The following DUS1L variants were observed in gnomAD, a reference collection of about 807,000 sequenced individuals.
The protein encoded by DUS1L is dihydrouridine synthase 1 like.
A neutral mutation model predicts 61.2 loss-of-function variants in DUS1L; 56 were observed. The ratio of observed to expected loss-of-function variants is 0.92; its 90% confidence interval spans 0.74 to 1.14. The LOEUF (loss-of-function observed/expected upper bound fraction) is 1.14. Among genes scored for constraint, DUS1L ranks in the 50% most tolerant of loss-of-function variants. The probability of loss-of-function intolerance (pLI) is 0.00; values close to 1 mark genes in which losing one functional copy is unlikely to be tolerated. For missense variants in DUS1L, 630 were observed against 632.4 expected (o/e 1.00, Z 0.04); for synonymous variants, 278 against 259.5 (o/e 1.07, Z -0.69).
Position 82,060,870 on chromosome 17 carries a change from A to G in DUS1L, c.934T>C (p.Cys312Arg), listed in dbSNP as rs2033456876. 1.2e-6 allele frequency: 2 copies of G among 1,611,816 alleles called. No individual in the cohort carries two copies. Among genetic ancestry groups the G allele is most frequent in the Non-Finnish European group, 1.7e-6 (2 of 1,179,812 alleles). ...AAVSQELKLR[C>R]QEEISRQEGA... Reference sequence around the variant, plus strand: ...CCACCAGCCCCAGCACCTGCCTGACACCGCAGCTTCAGCTCCTGGCTCACA... The same window carrying G: ...CCACCAGCCCCAGCACCTGCCTGACGCCGCAGCTTCAGCTCCTGGCTCACA... Residue 312 changes from cysteine to arginine, a missense_variant, in exon 9 of 14, where the codon TGT becomes CGT. Cys to Arg is a radical substitution (Grantham distance 180). Transcript: ENST00000306796.
At chr17:82,058,682 C>T in intron 12 of DUS1L, 99 bp downstream of exon 12, 1 of 1,579,062 alleles carries the variant, frequency 6.3e-7, no homozygotes, top group Non-Finnish European at 8.6e-7. Flanking sequence ...GCAAACCCAG[C>T]TGGGCGGGCA....
intron 10 of DUS1L, 71 bp from the exon 11 acceptor site, chr17:82,060,164 C>CT: frequency 6.4e-7 from 1 of 1,553,890 alleles, no homozygotes; most frequent in African/African-American, 1.4e-5. Context: ...CCACACGGGT[C>CT]TGAGTCTGGG....
In DUS1L at chr17:82,063,952, G is replaced by A. The variant is rs149559184; in HGVS notation, c.346+174C>T. 6.6e-3 allele frequency among the ~76,000 whole-genome samples: 1,007 copies of A among 152,316 alleles called. 5 individuals carry two copies. The highest frequency in any genetic ancestry group is 0.01 in the Non-Finnish European group (708 of 68,018). ...TAGGGCTCGGCCCCTAGCCCCCAAG[G>A]CCTGAGGACAGCCACCCTCCAGAGG... On this transcript the variant is annotated intron_variant, in intron 3 of 13. Coordinates refer to ENST00000306796, the MANE Select transcript of DUS1L (RefSeq NM_022156.5).
chr17:82,058,357 CTCTTT>C lies in DUS1L; in HGVS notation c.1261_1265del (p.Lys421AspfsTer12). 1.3e-6 allele frequency: 2 copies of C among 1,497,304 alleles called. No individual in the cohort carries two copies. Among genetic ancestry groups the C allele is most frequent in the Non-Finnish European group, 1.8e-6 (2 of 1,120,762 alleles). The allele number at this position is 1,497,304 out of a possible 1,614,324, so 92.8% of individuals were successfully genotyped here. A position where few individuals can be genotyped will look rare whatever the true frequency, so the allele number is the denominator to read the frequency against. On this transcript the variant is annotated frameshift_variant, in exon 13 of 14. Transcript: ENST00000306796. LOFTEE classifies it high-confidence loss of function. ...CGCCCTCACCTGGGCAGTCTGCAGT[CTCTTT>C]GGAGGCTCGCTTCTTGCAGCAGCCG... is the stretch of plus-strand genomic sequence containing the variant.
chr17:82,060,409 C>T (rs961857565), intron 10 of DUS1L: 67 of 577,454 alleles, frequency 1.2e-4, no homozygotes, highest in Admixed American at 3.0e-4. Context: ...ACGGGCAAAT[C>T]CACCAGGATC....
At chr17:82,059,756 C>T in intron 11 of DUS1L, 192 bp downstream of exon 11, 2 of 709,418 alleles carry the variant, frequency 2.8e-6, no homozygotes, top group Non-Finnish European at 4.8e-6. Context: ...CATGCACGGG[C>T]TGTGGCCTGC....
rs2033150032 is a variant in DUS1L at position 82,058,101 on chromosome 17, G to T, written c.*14C>A. Reference sequence around the variant, plus strand: ...GGCTCCAGCAGCAGTCCTGGGGGTGGGGGTTGTGGGCCTTCAGGCCAGGGC... The same window carrying T: ...GGCTCCAGCAGCAGTCCTGGGGGTGTGGGTTGTGGGCCTTCAGGCCAGGGC... On this transcript the variant is annotated 3_prime_UTR_variant, in exon 14 of 14. Coordinates refer to ENST00000306796, the MANE Select transcript of DUS1L (RefSeq NM_022156.5). 1 of 1,526,344 alleles carries T rather than the reference G, an allele frequency of 6.6e-7. No individual in the cohort carries two copies. The highest frequency in any genetic ancestry group is 1.2e-5 in the South Asian group (1 of 80,856). 94.6% of individuals were successfully genotyped at this position (1,526,344 alleles called of 1,614,324 possible).
At chr17:82,058,566 C>T in intron 12 of DUS1L, 150 bp from the exon 13 acceptor site, 2 of 1,450,508 alleles carry the variant, frequency 1.4e-6, no homozygotes, top group Non-Finnish European at 1.8e-6. Flanking sequence ...AGATGCCTCT[C>T]CCTCACCCCC....
rs1009555019 is a variant in DUS1L, at chr17:82,060,171, T to A, written c.1023-78A>T. 2.6e-6 allele frequency: 4 copies of A among 1,533,778 alleles called. No individual in the cohort carries two copies. In the African/African-American group the frequency reaches 5.5e-5, roughly 21 times the overall value. ...AGCCACAGCCACACGGGTCTGAGTC[T>A]GGGTGAGGGGCCAGGCGGCCGTGGC... On this transcript the variant is annotated intron_variant, in intron 10 of 13. Transcript: ENST00000306796.
chr17:82,058,228 A>G lies in DUS1L; in HGVS notation c.1309T>C (p.Leu437=), dbSNP rs199929589. The change falls in exon 14 of 14, where the codon TTG becomes CTG. Residue 437 remains leucine (L), a synonymous_variant. Transcript: ENST00000306796. ...TCTTTCCAGGCCAGAGACTTCTCCA[A>G]TTTGGTTTTAAAAAGCAATCCGTGA... is the stretch of plus-strand genomic sequence containing the variant. ...PGHGLLFKTK[L]EKSLAWKEAQ... The G allele has an allele frequency of 8.2e-5, 130 of 1,586,372 alleles. No individual in the cohort carries two copies. Among genetic ancestry groups the G allele is most frequent in the Non-Finnish European group, 1.0e-4 (119 of 1,161,068 alleles).
intron 11 of DUS1L, chr17:82,059,641 G>A: frequency 2.5e-6 from 1 of 398,232 alleles, no homozygotes; most frequent in South Asian, 4.0e-5. Context: ...TGTGAGGCTG[G>A]GCAGGGGCAG....
intron 11 of DUS1L, chr17:82,059,567 C>T (rs2033353154): frequency 4.8e-6 from 1 of 209,222 alleles, no homozygotes; most frequent in African/African-American, 2.3e-5. Flanking sequence ...GGCCCAGCAA[C>T]AAGACCCATG....
rs199715310 is a variant in DUS1L, at chr17:82,058,289, A to T, written c.1283-35T>A. Reference sequence around the variant, plus strand: ...CGAGTGAGAGGAGTCGGGGGTCAGGAGGCGGAGGGGGTCTGTTTGCCTGCT... The same window carrying T: ...CGAGTGAGAGGAGTCGGGGGTCAGGTGGCGGAGGGGGTCTGTTTGCCTGCT... On this transcript the variant is annotated intron_variant, in intron 13 of 13. Transcript: ENST00000306796. 1.8e-4 allele frequency: 282 copies of T among 1,540,270 alleles called. 1 individual carries two copies. The African/African-American group carries it at 3.4e-3, about 18-fold the overall frequency.
chr17:82,063,229 G>A (rs778551386), intron 4 of DUS1L: 9 of 642,158 alleles, frequency 1.4e-5, no homozygotes, highest in East Asian at 2.7e-5. Context: ...GGCTGGGCCC[G>A]AGCAAGGACT....
Position 82,061,251 on chromosome 17 carries a change from AG to A in DUS1L, c.799del (p.Leu267CysfsTer29). On this transcript the variant is annotated frameshift_variant, in exon 8 of 14. Coordinates refer to ENST00000306796, the MANE Select transcript of DUS1L (RefSeq NM_022156.5). LOFTEE classifies it high-confidence loss of function. ...LDIVREHPCP[L>X]SYVRAHLFKL... ...GAAGAGGTGGGCCCGGACGTAGGAC[AG>A]GGGGCAGGGGTGCTCCCGCACGATG... is the stretch of plus-strand genomic sequence containing the variant. 1 of 1,608,870 alleles carries A rather than the reference AG, an allele frequency of 6.2e-7. No individual in the cohort carries two copies. Among genetic ancestry groups the A allele is most frequent in the Non-Finnish European group, 8.5e-7 (1 of 1,177,550 alleles).
Position 82,057,921 on chromosome 17 carries a change from C to G in DUS1L, c.*194G>C. ...TATTGTTCACTTTTGCACACGCGTG[C>G]TGAGGACAGGGCAGGTCCAGCCTGG... On this transcript the variant is annotated 3_prime_UTR_variant, in exon 14 of 14. Transcript: ENST00000306796. The G allele has an allele frequency of 1.9e-6, 1 of 534,644 alleles. No individual in the cohort carries two copies. Among genetic ancestry groups the G allele is most frequent in the South Asian group, 4.1e-5 (1 of 24,264 alleles). The allele number at this position is 534,644 out of a possible 1,614,324, so 33.1% of individuals were successfully genotyped here. A position where few individuals can be genotyped will look rare whatever the true frequency, so the allele number is the denominator to read the frequency against.
chr17:82,061,197 G>A lies in DUS1L; in HGVS notation c.842+12C>T, dbSNP rs1053643088. 1 of 1,577,260 alleles carries A rather than the reference G, an allele frequency of 6.3e-7. No individual in the cohort carries two copies. Among genetic ancestry groups the A allele is most frequent in the East Asian group, 2.3e-5 (1 of 44,392 alleles). On this transcript the variant is annotated intron_variant, in intron 8 of 13. Coordinates refer to ENST00000306796, the MANE Select transcript of DUS1L (RefSeq NM_022156.5). The stretch of plus-strand genomic sequence containing the variant: ...CCCTCCAACGTGGCTTCTGCCTTAG[G>A]GGGCAACTCACGTGTGGTGCCACAG...
Position 82,064,153 on chromosome 17 carries a change from C to T in DUS1L, c.319G>A (p.Gly107Ser). The change falls in exon 3 of 14, where the codon GGC becomes AGC. Residue 107 changes from glycine (G) to serine (S), a missense_variant. By Grantham distance (56) the Gly-to-Ser change is moderately conservative (BLOSUM62 0). Transcript: ENST00000306796. ...DYCDAIDLNLGCPQMIAKRGH... is the reference protein window; with the variant it reads ...DYCDAIDLNLSCPQMIAKRGH... ...CTCTTGGCTATCATCTGTGGGCAGC[C>T]CAAGTTCAGGTCAATGGCGTCACAG... The T allele has an allele frequency of 1.9e-6, 3 of 1,612,758 alleles. No homozygotes were observed. Among genetic ancestry groups the T allele is most frequent in the Non-Finnish European group, 2.5e-6 (3 of 1,179,844 alleles).
Position 82,058,167 on chromosome 17 carries a change from G to A in DUS1L, c.1370C>T (p.Ala457Val). 1 of 1,598,860 alleles carries A rather than the reference G, an allele frequency of 6.3e-7. No individual in the cohort carries two copies. Among genetic ancestry groups the A allele is most frequent in the Non-Finnish European group, 8.6e-7 (1 of 1,169,494 alleles). The change falls in exon 14 of 14, where the codon GCA (alanine) becomes GTA (valine). Residue 457 changes from alanine (A) to valine (V), a missense_variant. Coordinates refer to ENST00000306796, the MANE Select transcript of DUS1L (RefSeq NM_022156.5). ...QPELQEPQPAAPGTPGGFSEV... is the reference protein window; with the variant it reads ...QPELQEPQPAVPGTPGGFSEV... ...GGAGAAGCCACCTGGTGTTCCAGGT[G>A]CTGCTGGCTGAGGCTCCTGCAGCTC...
Sources: allele counts gnomAD v4.1 joint callset (sites outside exome capture counted in the v4.1 genomes callset), GRCh38; gene constraint gnomAD v4.1.1; transcripts MANE v1.5; gene names NCBI Gene and HGNC (gene_info 2026-07-23, HGNC 2026-07-21).